SLC12A2: variants seen among roughly 807,000 people sequenced by gnomAD.
SLC12A2 encodes solute carrier family 12 member 2, also known as Na-K-2Cl cotransporter 1.
In SLC12A2, 67 loss-of-function variants were observed where a neutral mutation model predicts 136.3. The ratio of observed to expected loss-of-function variants is 0.49; its 90% CI spans 0.40 to 0.60. The LOEUF (loss-of-function observed/expected upper bound fraction) is 0.60, where lower values mean the gene tolerates loss of function less well. Among genes scored for constraint, SLC12A2 ranks in the 20% least tolerant of loss-of-function variants. SLC12A2 has a pLI of 0.00. For synonymous variants in SLC12A2, 619 were observed against 562.9 expected (o/e 1.10, Z -1.41); for missense variants, 1,322 against 1,534.7 (o/e 0.86, Z 2.32).
intron 19 of SLC12A2, among the ~76,000 whole-genome samples, chr5:128,173,319 T>C (rs1763440287): frequency 6.6e-6 from 1 of 152,244 alleles, no homozygotes; most frequent in Non-Finnish European, 1.5e-5. Flanking sequence ...AATTGAGGTT[T>C]AGAGTGCCTA....
At chr5:128,118,799 A>G (rs767820682) in intron 4 of SLC12A2, among the ~76,000 whole-genome samples, 6 of 152,202 alleles carry the variant, frequency 3.9e-5, no homozygotes, top group African/African-American at 7.2e-5. Context: ...TTGTTTCCCA[A>G]CAAATTAAAT....
intron 7 of SLC12A2, among the ~76,000 whole-genome samples, chr5:128,137,070 G>C (rs570564361): frequency 1.3e-5 from 2 of 151,964 alleles, no homozygotes; most frequent in Non-Finnish European, 2.9e-5. Flanking sequence ...CTCCTAATGG[G>C]CCTCCCTGTT....
chr5:128,125,678 CTTTT>C (rs891680133), intron 4 of SLC12A2, among the ~76,000 whole-genome samples: 1 of 150,882 alleles, frequency 6.6e-6, no homozygotes, highest in African/African-American at 2.4e-5. Flanking sequence ...TCCGGTTTCT[CTTTT>C]TTTTTATGCT....
At position 128,184,831 on chromosome 5, in the gene SLC12A2, T is replaced by G. The variant is rs148137485; in HGVS notation, c.3478T>G (p.Ser1160Ala). 1 of 1,605,682 alleles carries G rather than the reference T, an allele frequency of 6.2e-7. No individual in the cohort carries two copies. ...IRLNELLKEH[S>A]STANIIVMSL... ...GTTAAATGAGTTATTAAAGGAACAT[T>G]CAAGCACAGCTAATATTATTGTCAT... The change falls in exon 26 of 27, where the codon TCA becomes GCA. Residue 1160 changes from serine to alanine, a missense_variant. By Grantham distance (99) the Ser-to-Ala change is moderately conservative (BLOSUM62 1). Transcript: ENST00000262461.
intron 26 of SLC12A2, 138 bp downstream of exon 26, chr5:128,184,994 A>C (rs1763823246): frequency 1.4e-6 from 1 of 691,096 alleles, no homozygotes; most frequent in African/African-American, 1.8e-5. Flanking sequence ...ACTTGTAAAA[A>C]TATACTATGC....
At chr5:128,172,661 C>G (rs762017241) in intron 19 of SLC12A2, among the ~76,000 whole-genome samples, 11 of 152,038 alleles carry the variant, frequency 7.2e-5, no homozygotes, top group Non-Finnish European at 1.3e-4. Context: ...CTACTTTTGC[C>G]AACTTTATAA....
At chr5:128,095,687 TAAAA>T (rs201238144) in intron 1 of SLC12A2, among the ~76,000 whole-genome samples, 1 of 149,474 alleles carries the variant, frequency 6.7e-6, no homozygotes, top group East Asian at 1.9e-4. Flanking sequence ...TTTTTGCAAT[TAAAA>T]AAAAAACTCA....
chr5:128,124,772 G>A (rs1273073817), intron 4 of SLC12A2, among the ~76,000 whole-genome samples: 1 of 151,642 alleles, frequency 6.6e-6, no homozygotes, highest in Admixed American at 6.6e-5. Flanking sequence ...CTCCCCTAAG[G>A]TGTGAGGGGT....
chr5:128,155,644 CTGT>C (rs1464584646), intron 15 of SLC12A2, among the ~76,000 whole-genome samples: 2 of 152,074 alleles, frequency 1.3e-5, no homozygotes, highest in Non-Finnish European at 2.9e-5. Context: ...TAGTTTCTTA[CTGT>C]TTACTGTTTC....
chr5:128,112,321 A>G (rs929585392), intron 1 of SLC12A2, among the ~76,000 whole-genome samples: 4 of 152,208 alleles, frequency 2.6e-5, no homozygotes, highest in African/African-American at 7.2e-5. Flanking sequence ...GAGAGGAGCT[A>G]TGAAGGAATC....
At chr5:128,110,363 T>C in intron 1 of SLC12A2, 1 of 969,808 alleles carries the variant, frequency 1.0e-6, no homozygotes, top group South Asian at 1.3e-5. Flanking sequence ...CTGTGCAAGC[T>C]AACACGGGTC....
chr5:128,108,891 G>A (rs1164221196), intron 1 of SLC12A2, among the ~76,000 whole-genome samples: 2 of 152,024 alleles, frequency 1.3e-5, no homozygotes, highest in Non-Finnish European at 1.5e-5. Flanking sequence ...TAAGCCTGGG[G>A]GCATCCTTTT....
At chr5:128,162,388 A>G (rs949792775) in intron 17 of SLC12A2, among the ~76,000 whole-genome samples, 6 of 152,166 alleles carry the variant, frequency 3.9e-5, no homozygotes, top group African/African-American at 1.4e-4. Context: ...ATCATTATTA[A>G]CATGAAAAAA....
At chr5:128,148,378 T>A (rs1389836519) in intron 11 of SLC12A2, among the ~76,000 whole-genome samples, 2 of 151,822 alleles carry the variant, frequency 1.3e-5, no homozygotes, top group African/African-American at 4.8e-5. Flanking sequence ...GGTAGTTAAG[T>A]GTTATAATCA....
chr5:128,143,891 TAAATA>T (rs1218436243), intron 10 of SLC12A2, among the ~76,000 whole-genome samples: 1 of 149,448 alleles, frequency 6.7e-6, no homozygotes, highest in African/African-American at 2.4e-5. Context: ...GTTTTTATTA[TAAATA>T]AAATTATTTA....
At chr5:128,140,265 C>T (rs1434948932) in intron 9 of SLC12A2, among the ~76,000 whole-genome samples, 1 of 152,160 alleles carries the variant, frequency 6.6e-6, no homozygotes, top group Non-Finnish European at 1.5e-5. Flanking sequence ...TCCCCAAGTG[C>T]TGGGATTACA....
At chr5:128,176,647 A>G (rs958233186) in intron 20 of SLC12A2, among the ~76,000 whole-genome samples, 5 of 152,086 alleles carry the variant, frequency 3.3e-5, no homozygotes, top group Middle Eastern at 3.4e-3. Context: ...TTCAAGTGTG[A>G]TTAATTTTTT....
intron 1 of SLC12A2, among the ~76,000 whole-genome samples, chr5:128,089,220 T>C (rs1266376226): frequency 2.0e-5 from 3 of 151,614 alleles, no homozygotes; most frequent in African/African-American, 7.3e-5. Context: ...AATAGCCACT[T>C]TTACAAAAAG....
chr5:128,161,107 C>T (rs750111629), intron 16 of SLC12A2, among the ~76,000 whole-genome samples: 25 of 152,070 alleles, frequency 1.6e-4, no homozygotes, highest in Non-Finnish European at 3.1e-4. Flanking sequence ...TTGTGTATAA[C>T]ACATTTTGTG....
Sources: allele counts gnomAD v4.1 joint callset (sites outside exome capture counted in the v4.1 genomes callset), GRCh38; gene constraint gnomAD v4.1.1; transcripts MANE v1.5; gene names NCBI Gene and HGNC (gene_info 2026-07-23, HGNC 2026-07-21).